Variants in SIL1 observed in about 807,000 individuals in gnomAD.
SIL1 encodes SIL1 nucleotide exchange factor.
A neutral mutation model predicts 49.1 loss-of-function variants in SIL1; 40 were observed. The ratio of observed to expected loss-of-function variants is 0.81; its 90% CI spans 0.63 to 1.06. The LOEUF is 1.06. Ranked by LOEUF, SIL1 falls within the 50% of genes least tolerant of loss-of-function variation. The pLI is 0.00. For synonymous variants in SIL1, 253 were observed against 250.8 expected, an observed-to-expected ratio of 1.01 and a Z score of -0.08; for missense variants, 500 against 572.6, an observed-to-expected ratio of 0.87 and a Z score of 1.29.
At chr5:139,157,442 C>A (rs1190935132) in intron 1 of SIL1, among the ~76,000 whole-genome samples, 3 of 152,248 alleles carry the variant, frequency 2.0e-5, no homozygotes, top group Admixed American at 6.5e-5. Flanking sequence ...CCCAGGAACA[C>A]CAAGAGAAGG....
At chr5:139,188,762 A>T (rs1375877209) in intron 1 of SIL1, among the ~76,000 whole-genome samples, 1 of 152,246 alleles carries the variant, frequency 6.6e-6, no homozygotes, top group African/African-American at 2.4e-5. Flanking sequence ...AAAGCAAGAG[A>T]TAAGGAGAAC....
chr5:139,075,668 G>A (rs1769932610), intron 3 of SIL1, among the ~76,000 whole-genome samples: 1 of 152,134 alleles, frequency 6.6e-6, no homozygotes, highest in Admixed American at 6.5e-5. Flanking sequence ...TAAATGTCAA[G>A]GTAAAGCAGG....
At chr5:139,101,903 G>A (rs1425927056) in intron 3 of SIL1, among the ~76,000 whole-genome samples, 1 of 152,156 alleles carries the variant, frequency 6.6e-6, no homozygotes, top group Admixed American at 6.5e-5. Flanking sequence ...GGACCACATA[G>A]AGAAGAAATT....
chr5:139,162,422 A>C (rs1306120664), intron 1 of SIL1, among the ~76,000 whole-genome samples: 1 of 152,210 alleles, frequency 6.6e-6, no homozygotes. Context: ...CAGAAATCCT[A>C]AAAATCAATG....
At chr5:139,167,675 T>A (rs1407861030) in intron 1 of SIL1, among the ~76,000 whole-genome samples, 2 of 152,344 alleles carry the variant, frequency 1.3e-5, no homozygotes, top group East Asian at 3.8e-4. Flanking sequence ...GAAAAAATTT[T>A]TTATAAATGT....
intron 4 of SIL1, among the ~76,000 whole-genome samples, chr5:139,045,670 T>C (rs758849656): frequency 1.3e-5 from 2 of 152,258 alleles, no homozygotes; most frequent in Non-Finnish European, 2.9e-5. Flanking sequence ...TCAAACTTAT[T>C]GAATCTAAAA....
chr5:138,951,940 G>C, intron 7 of SIL1, 56 bp from the exon 8 acceptor site: 2 of 1,476,328 alleles, frequency 1.4e-6, no homozygotes, highest in Non-Finnish European at 1.9e-6. Flanking sequence ...GGATCGGATG[G>C]TCAGGGAACT....
chr5:139,146,151 G>A (rs1255655978), intron 1 of SIL1, among the ~76,000 whole-genome samples: 1 of 152,158 alleles, frequency 6.6e-6, no homozygotes, highest in African/African-American at 2.4e-5. Flanking sequence ...GCCTTCTGCT[G>A]TATATATTTT....
At chr5:139,094,887 T>C (rs533828037) in intron 3 of SIL1, among the ~76,000 whole-genome samples, 57 of 152,376 alleles carry the variant, frequency 3.7e-4, no homozygotes, top group African/African-American at 1.3e-3. Context: ...TCCTTGTTTA[T>C]CAAAACCATG....
At chr5:139,038,107 C>A (rs1356885636) in intron 5 of SIL1, among the ~76,000 whole-genome samples, 3 of 152,174 alleles carry the variant, frequency 2.0e-5, no homozygotes, top group Non-Finnish European at 4.4e-5. Context: ...TCACCTAAAT[C>A]TAATTACCTT....
intron 7 of SIL1, among the ~76,000 whole-genome samples, chr5:138,970,090 T>C (rs575825189): frequency 9.2e-5 from 14 of 152,354 alleles, no homozygotes; most frequent in Admixed American, 8.5e-4. Context: ...ACTGGCATGT[T>C]TGGAAAGGCC....
chr5:139,071,100 G>A (rs1031730642), intron 3 of SIL1, among the ~76,000 whole-genome samples: 5 of 151,158 alleles, frequency 3.3e-5, no homozygotes, highest in African/African-American at 1.2e-4. Context: ...GAAATACAGA[G>A]GTTGGAGAAA....
intron 1 of SIL1, among the ~76,000 whole-genome samples, chr5:139,193,432 G>C (rs756707395): frequency 1.3e-5 from 2 of 152,062 alleles, no homozygotes; most frequent in Non-Finnish European, 1.5e-5. Flanking sequence ...GTTGGGCATG[G>C]TGGTGGGCGC....
At chr5:139,108,484 G>A (rs1770774483) in intron 3 of SIL1, among the ~76,000 whole-genome samples, 1 of 152,188 alleles carries the variant, frequency 6.6e-6, no homozygotes, top group Admixed American at 6.5e-5. Context: ...TGGGAAAGTT[G>A]AGGTACAAAC....
chr5:139,169,834 C>CACGG (rs1227334617), intron 1 of SIL1, among the ~76,000 whole-genome samples: 4 of 151,592 alleles, frequency 2.6e-5, no homozygotes, highest in Non-Finnish European at 4.4e-5. Flanking sequence ...CCCCTCTCCC[C>CACGG]TCTCCCTCTC....
intron 3 of SIL1, among the ~76,000 whole-genome samples, chr5:139,055,050 C>A (rs749867785): frequency 6.6e-6 from 1 of 152,112 alleles, no homozygotes; most frequent in Non-Finnish European, 1.5e-5. Flanking sequence ...AAGATACATA[C>A]AGGTAACAAG....
At chr5:139,125,052 G>A (rs879571272) in intron 2 of SIL1, among the ~76,000 whole-genome samples, 3 of 152,248 alleles carry the variant, frequency 2.0e-5, no homozygotes, top group Non-Finnish European at 4.4e-5. Context: ...ACCAGCACAT[G>A]CCCTTCCTCG....
At chr5:139,067,199 A>T (rs1769725531) in intron 3 of SIL1, among the ~76,000 whole-genome samples, 1 of 152,226 alleles carries the variant, frequency 6.6e-6, no homozygotes, top group African/African-American at 2.4e-5. Flanking sequence ...AGGGGAAAAT[A>T]AACTTCTTAT....
intron 1 of SIL1, among the ~76,000 whole-genome samples, chr5:139,169,369 C>A (rs1000996116): frequency 2.6e-5 from 4 of 152,096 alleles, no homozygotes; most frequent in Admixed American, 2.0e-4. Context: ...TCCAGGGTTA[C>A]CACATTATTA....
Sources: gnomAD v4.1 joint callset for allele counts (sites outside exome capture counted in the v4.1 genomes callset) on GRCh38, gnomAD v4.1.1 for gene constraint, MANE v1.5 for transcripts, NCBI Gene and HGNC (gene_info 2026-07-23, HGNC 2026-07-21) for gene names.